SIN3A: variants seen among roughly 807,000 people sequenced by gnomAD.
SIN3A encodes the protein SIN3 transcription regulator family member A, also known as paired amphipathic helix protein Sin3a.
A neutral mutation model predicts 146.1 loss-of-function variants in SIN3A; 14 were observed. The ratio of observed to expected loss-of-function variants is 0.10; its 90% CI spans 0.06 to 0.15. SIN3A has a LOEUF of 0.15. Ranked by LOEUF, SIN3A falls within the 10% of genes least tolerant of loss-of-function variation. SIN3A has a pLI of 1.00. For missense variants in SIN3A, 1,028 were observed against 1,576.0 expected, an observed-to-expected ratio of 0.65 and a Z score of 5.89; for synonymous variants, 572 against 572.0, an observed-to-expected ratio of 1.00 and a Z score of 0.00.
chr15:75,439,629 G>A (rs1041492613), intron 1 of SIN3A, among the ~76,000 whole-genome samples: 1 of 151,938 alleles, frequency 6.6e-6, no homozygotes, highest in African/African-American at 2.4e-5. Flanking sequence ...ACAGGCGTGA[G>A]CCACCGCACC....
Position 75,382,607 on chromosome 15 carries a change from GACA to G in SIN3A, c.3196-905_3196-903del, listed in dbSNP as rs547877149. 5.7e-3 allele frequency among the ~76,000 whole-genome samples: 874 copies of G among 152,278 alleles called. 3 individuals carry two copies. Among genetic ancestry groups the G allele is most frequent in the Non-Finnish European group, 1.0e-2 (680 of 68,030 alleles). ...GTGAATATCAAATAGCCATAAAAAAGACAATAAAGACCCAGAAGTGTTGTTAAT... is the reference window on the plus strand; with the variant it reads ...GTGAATATCAAATAGCCATAAAAAAGATAAAGACCCAGAAGTGTTGTTAAT... On this transcript the variant is annotated intron_variant, in intron 17 of 20. Coordinates refer to ENST00000394947, the MANE Select transcript of SIN3A (RefSeq NM_001145358.2).
Position 75,381,724 on chromosome 15 carries a change from A to T in SIN3A, c.3196-19T>A, listed in dbSNP as rs1331132288. On this transcript the variant is annotated intron_variant, in intron 17 of 20. Transcript: ENST00000394947. ...ACATAAGCTGCAAATAAGAAACCTAAGCGTAAACAAAAGACCGTCTCTGTA... is the reference window on the plus strand; with the variant it reads ...ACATAAGCTGCAAATAAGAAACCTATGCGTAAACAAAAGACCGTCTCTGTA... 6.3e-7 allele frequency: 1 copy of T among 1,591,198 alleles called. No individual in the cohort carries two copies. Among genetic ancestry groups the T allele is most frequent in the Non-Finnish European group, 8.6e-7 (1 of 1,159,582 alleles).
At chr15:75,399,179 C>G (rs2073362613) in intron 12 of SIN3A, among the ~76,000 whole-genome samples, 1 of 151,840 alleles carries the variant, frequency 6.6e-6, no homozygotes, top group African/African-American at 2.4e-5. Flanking sequence ...GTGATTGTGC[C>G]ACTGCACTGC....
intron 1 of SIN3A, among the ~76,000 whole-genome samples, chr15:75,449,993 T>C (rs534239230): frequency 6.6e-6 from 1 of 152,224 alleles, no homozygotes; most frequent in South Asian, 2.1e-4. Context: ...TAAGCCTGGC[T>C]GGTCTCGAAC....
At chr15:75,419,420 C>G (rs754447715) in intron 3 of SIN3A, 1 of 152,112 alleles carries the variant, frequency 6.6e-6, no homozygotes, top group East Asian at 1.9e-4. Flanking sequence ...ACTGCAGAGA[C>G]GGAAAAAGTA....
intron 17 of SIN3A, among the ~76,000 whole-genome samples, chr15:75,382,127 G>T (rs1170040465): frequency 6.6e-6 from 1 of 152,168 alleles, no homozygotes; most frequent in African/African-American, 2.4e-5. Context: ...GAGCCTGGAA[G>T]GAAACCTGAG....
chr15:75,382,058 A>G (rs1229421367), intron 17 of SIN3A, among the ~76,000 whole-genome samples: 1 of 152,254 alleles, frequency 6.6e-6, no homozygotes, highest in Non-Finnish European at 1.5e-5. Context: ...GTCCATTGGT[A>G]ATCCCACTTC....
At chr15:75,416,128 T>C (rs547979642) in intron 3 of SIN3A, 2 of 185,724 alleles carry the variant, frequency 1.1e-5, no homozygotes. Context: ...TCAAGCTTTA[T>C]AAAAATGCAG....
At chr15:75,437,510 A>G (rs939295103) in intron 1 of SIN3A, among the ~76,000 whole-genome samples, 3 of 152,184 alleles carry the variant, frequency 2.0e-5, no homozygotes, top group Non-Finnish European at 2.9e-5. Context: ...AAATTAAATG[A>G]CTTATTCAAG....
chr15:75,418,508 G>A (rs553721550), intron 3 of SIN3A, among the ~76,000 whole-genome samples: 5 of 149,588 alleles, frequency 3.3e-5, no homozygotes, highest in East Asian at 2.0e-4. Flanking sequence ...TTGTATCTTC[G>A]GTAGTTTTAC....
At chr15:75,423,460 C>T (rs2073874077) in intron 2 of SIN3A, among the ~76,000 whole-genome samples, 1 of 152,012 alleles carries the variant, frequency 6.6e-6, no homozygotes, top group Admixed American at 6.6e-5. Flanking sequence ...AGGCGGATCA[C>T]GAGGTCAGGA....
Position 75,381,779 on chromosome 15 carries a change from G to C in SIN3A, c.3196-74C>G. 1.1e-5 allele frequency: 14 copies of C among 1,223,174 alleles called. No homozygotes were observed. In the South Asian group the frequency reaches 1.7e-4, roughly 15 times the overall value. 75.8% of individuals were successfully genotyped at this position (1,223,174 alleles called of 1,614,324 possible). A position where few individuals can be genotyped will look rare whatever the true frequency, so the allele number is the denominator to read the frequency against. Reference sequence around the variant, plus strand: ...TAATCTATCTTCTCAAGGAATGAGAGGTGCAGAGGCAATAAACTTAGTAAA... The same window carrying C: ...TAATCTATCTTCTCAAGGAATGAGACGTGCAGAGGCAATAAACTTAGTAAA... On this transcript the variant is annotated intron_variant, in intron 17 of 20. Coordinates refer to ENST00000394947, the MANE Select transcript of SIN3A (RefSeq NM_001145358.2).
intron 3 of SIN3A, among the ~76,000 whole-genome samples, chr15:75,418,440 C>G (rs537138298): frequency 6.6e-6 from 1 of 152,198 alleles, no homozygotes; most frequent in East Asian, 1.9e-4. Flanking sequence ...ATTCTCGTGC[C>G]TCAGCCTCCA....
In SIN3A at chr15:75,400,286, T is replaced by C. The variant is rs58761842; in HGVS notation, c.1738-130A>G. Reference sequence around the variant, plus strand: ...AATATTACTTCACAAATTTCACCTTTAGCAAGTTTACAAAAAGCTATTAGT... The same window carrying C: ...AATATTACTTCACAAATTTCACCTTCAGCAAGTTTACAAAAAGCTATTAGT... On this transcript the variant is annotated intron_variant, in intron 11 of 20. Transcript: ENST00000394947. 2,304 of 597,208 alleles carry C rather than the reference T, an allele frequency of 3.9e-3. 45 individuals are homozygous for C. Among genetic ancestry groups the C allele is most frequent in the African/African-American group, 0.037 (2,019 of 54,004 alleles). 37.0% of individuals were successfully genotyped at this position (597,208 alleles called of 1,614,324 possible). A position where few individuals can be genotyped will look rare whatever the true frequency, so the allele number is the denominator to read the frequency against.
chr15:75,443,132 T>C (rs1002023385), intron 1 of SIN3A, among the ~76,000 whole-genome samples: 4 of 152,016 alleles, frequency 2.6e-5, no homozygotes, highest in African/African-American at 9.7e-5. Flanking sequence ...ACTCTTATTT[T>C]ACAACTTGGT....
chr15:75,400,637 ATCAT>A (rs2073394022), intron 11 of SIN3A, 89 bp downstream of exon 11: 7 of 861,384 alleles, frequency 8.1e-6, no homozygotes, highest in African/African-American at 1.7e-5. Flanking sequence ...TCTTAATTTC[ATCAT>A]TCATATAAAT....
chr15:75,394,951 A>C, intron 13 of SIN3A, 88 bp from the exon 14 acceptor site: 1 of 1,249,238 alleles, frequency 8.0e-7, no homozygotes, highest in Non-Finnish European at 1.1e-6. Context: ...TTAGTTAAAG[A>C]AAGGTGCAAA....
chr15:75,427,422 C>A (rs1004448227), intron 2 of SIN3A, among the ~76,000 whole-genome samples: 3 of 152,076 alleles, frequency 2.0e-5, no homozygotes, highest in Non-Finnish European at 4.4e-5. Flanking sequence ...GTAATCCCAG[C>A]ACTTTGGAAG....
At chr15:75,412,684 T>G in intron 5 of SIN3A, 79 bp downstream of exon 5, 1 of 1,360,026 alleles carries the variant, frequency 7.4e-7, no homozygotes, top group Non-Finnish European at 9.9e-7. Context: ...TATCTAAGTC[T>G]TATATAAAGG....
Sources: allele counts gnomAD v4.1 joint callset (sites outside exome capture counted in the v4.1 genomes callset), GRCh38; gene constraint gnomAD v4.1.1; transcripts MANE v1.5; gene names NCBI Gene and HGNC (gene_info 2026-07-23, HGNC 2026-07-21).